Variants in RYR2 observed in about 807,000 individuals in gnomAD.
RYR2 encodes the protein ryanodine receptor 2, also known as cardiac muscle ryanodine receptor-calcium release channel.
Under a neutral mutation model 601.1 loss-of-function variants are expected in RYR2, and 227 were observed. That is an observed-to-expected ratio of 0.38 (90% CI 0.34 to 0.42). The LOEUF (loss-of-function observed/expected upper bound fraction) is 0.42. Ranked by LOEUF, RYR2 falls within the 10% of genes least tolerant of loss-of-function variation. RYR2 has a pLI of 1.00. For missense variants in RYR2, 4,646 were observed against 6,156.5 expected, an observed-to-expected ratio of 0.75 and a Z score of 8.21; for synonymous variants, 2,223 against 2,175.1, an observed-to-expected ratio of 1.02 and a Z score of -0.61.
In RYR2 at chr1:237,402,888, C is replaced by T. The variant is rs940575756; in HGVS notation, c.774-14161C>T. On this transcript the variant is annotated intron_variant, in intron 10 of 104. Coordinates refer to ENST00000366574, the MANE Select transcript of RYR2 (RefSeq NM_001035.3). The stretch of plus-strand genomic sequence containing the variant: ...CCTCGATGTCCTGGCCTCAAACCAT[C>T]CCCCTGCTTCAGCCTCCTGTCTCCA... Among the ~76,000 whole-genome samples the T allele has an allele frequency of 1.1e-3, 15 of 14,208 alleles. No homozygotes were observed. In the East Asian group the frequency reaches 0.17, roughly 158 times the overall value. The allele number at this position is 14,208 out of a possible 152,430, so 9.3% of individuals were successfully genotyped here. A position where few individuals can be genotyped will look rare whatever the true frequency, so the allele number is the denominator to read the frequency against.
intron 33 of RYR2, 145 bp from the exon 34 acceptor site, chr1:237,595,353 C>T: frequency 1.2e-6 from 1 of 863,950 alleles, no homozygotes; most frequent in Non-Finnish European, 1.7e-6. Flanking sequence ...TGCTCAGAAT[C>T]ACAGAATCGG....
Position 237,627,930 on chromosome 1 carries a change from G to T in RYR2, c.6290G>T (p.Gly2097Val). 1 of 1,613,342 alleles carries T rather than the reference G, an allele frequency of 6.2e-7. No individual in the cohort carries two copies. The highest frequency in any genetic ancestry group is 8.5e-7 in the Non-Finnish European group (1 of 1,179,710). The change falls in exon 41 of 105, where the codon GGT becomes GTT. Residue 2097 changes from glycine (G) to valine (V), a missense_variant. Coordinates refer to ENST00000366574, the MANE Select transcript of RYR2 (RefSeq NM_001035.3). ...CATCGGCAGTATGACGGCATTGGGG[G>T]TCTTGTTCGGGCCCTGCCAAAGACC... is the stretch of plus-strand genomic sequence containing the variant. ...LLHRQYDGIG[G>V]LVRALPKTYT...
At chr1:237,620,980 T>G (rs1679015349) in intron 38 of RYR2, among the ~76,000 whole-genome samples, 2 of 152,114 alleles carry the variant, frequency 1.3e-5, no homozygotes. Context: ...TTTTCAAGTG[T>G]TCATGAAACA....
rs138487423 is a variant in RYR2, at chr1:237,097,709, C to T, written c.48+55140C>T. Among the ~76,000 whole-genome samples the T allele has an allele frequency of 1.0e-3, 152 of 152,194 alleles. 1 individual carries two copies. Among genetic ancestry groups the T allele is most frequent in the African/African-American group, 3.5e-3 (145 of 41,520 alleles). ...GCTTAAGTAAAATACTCCATTGCAC[C>T]GTTTCTGGGGATTTATGTTTTTAAA... On this transcript the variant is annotated intron_variant, in intron 1 of 104. Coordinates refer to ENST00000366574, the MANE Select transcript of RYR2 (RefSeq NM_001035.3).
chr1:237,479,057 C>T (rs1432131013), intron 17 of RYR2, among the ~76,000 whole-genome samples: 4 of 152,176 alleles, frequency 2.6e-5, no homozygotes, highest in Admixed American at 6.5e-5. Flanking sequence ...TTTACTACCC[C>T]TCTCTTGAGT....
chr1:237,824,351 T>A (rs1265791821), intron 101 of RYR2, among the ~76,000 whole-genome samples: 1 of 152,194 alleles, frequency 6.6e-6, no homozygotes, highest in Non-Finnish European at 1.5e-5. Context: ...GCTTCATCCC[T>A]GGGATGCAAG....
chr1:237,527,717 A>T (rs1667733729), intron 24 of RYR2, among the ~76,000 whole-genome samples: 2 of 152,226 alleles, frequency 1.3e-5, no homozygotes, highest in Non-Finnish European at 2.9e-5. Context: ...AAAACATGTA[A>T]CTTTTTAAAA....
At chr1:237,336,022 T>C (rs1697212883) in intron 3 of RYR2, among the ~76,000 whole-genome samples, 1 of 152,184 alleles carries the variant, frequency 6.6e-6, no homozygotes, top group South Asian at 2.1e-4. Context: ...GTTCTATGTA[T>C]AGAAATTTAA....
intron 1 of RYR2, among the ~76,000 whole-genome samples, chr1:237,056,666 A>G (rs1662153635): frequency 1.5e-5 from 1 of 68,116 alleles, no homozygotes; most frequent in African/African-American, 5.2e-5. Context: ...AGGACTAGAG[A>G]CTGCATTGTG....
At chr1:237,708,773 AT>A (rs1277267452) in intron 68 of RYR2, 84 bp from the exon 69 acceptor site, 2 of 1,251,638 alleles carry the variant, frequency 1.6e-6, no homozygotes, top group African/African-American at 3.0e-5. Context: ...GGAGGCTTTA[AT>A]TATGTTACAA....
chr1:237,070,374 T>C (rs1408914204), intron 1 of RYR2, among the ~76,000 whole-genome samples: 1 of 152,092 alleles, frequency 6.6e-6, no homozygotes, highest in Non-Finnish European at 1.5e-5. Flanking sequence ...AACAGCTTAA[T>C]TGGACCAGTT....
intron 1 of RYR2, among the ~76,000 whole-genome samples, chr1:237,107,538 G>GAAAAAAAAAAAAAAAA (rs1218167557): frequency 1.1e-4 from 6 of 56,798 alleles, no homozygotes; most frequent in African/African-American, 1.8e-4. Context: ...AAAAAAAAAG[G>GAAAAAAAAAAAAAAAA]AAACATTGTA....
chr1:237,405,631 A>G (rs1418419795), intron 10 of RYR2, among the ~76,000 whole-genome samples: 2 of 152,128 alleles, frequency 1.3e-5, no homozygotes, highest in Non-Finnish European at 1.5e-5. Flanking sequence ...CCAGTCTACT[A>G]TGCTCAAAAC....
chr1:237,415,470 G>C (rs1257586667), intron 10 of RYR2, among the ~76,000 whole-genome samples: 2 of 152,148 alleles, frequency 1.3e-5, no homozygotes, highest in African/African-American at 4.8e-5. Context: ...CCCCTGTTGT[G>C]TTATAATGGG....
chr1:237,620,787 T>C (rs1035025603), intron 38 of RYR2, among the ~76,000 whole-genome samples: 2 of 151,834 alleles, frequency 1.3e-5, no homozygotes, highest in African/African-American at 2.4e-5. Context: ...CCAAAACTGA[T>C]AGAACTGAAA....
intron 24 of RYR2, among the ~76,000 whole-genome samples, chr1:237,518,033 A>G (rs1044571134): frequency 3.3e-5 from 5 of 152,136 alleles, no homozygotes; most frequent in African/African-American, 1.2e-4. Context: ...CATCCTGGAC[A>G]CATCCCTTCC....
At chr1:237,422,017 C>T (rs1367436722) in intron 11 of RYR2, among the ~76,000 whole-genome samples, 1 of 152,006 alleles carries the variant, frequency 6.6e-6, no homozygotes, top group East Asian at 1.9e-4. Context: ...GTGCTTTGAT[C>T]TTAAGCTTGT....
Position 237,783,998 on chromosome 1 carries a change from T to C in RYR2, c.12286T>C (p.Phe4096Leu). ...CCACGAACCTGCGAAGGACATCGGCTTCAACGTCGCCGTCCTTCTGACAAA... is the reference window on the plus strand; with the variant it reads ...CCACGAACCTGCGAAGGACATCGGCCTCAACGTCGCCGTCCTTCTGACAAA... ...RFHEPAKDIG[F>L]NVAVLLTNLS... Residue 4096 changes from phenylalanine (F) to leucine (L), a missense_variant, in exon 90 of 105, where the codon TTC (phenylalanine) becomes CTC (leucine). Phe to Leu is a conservative substitution (Grantham distance 22). Transcript: ENST00000366574. 1 of 1,613,880 alleles carries C rather than the reference T, an allele frequency of 6.2e-7. No individual in the cohort carries two copies.
chr1:237,145,684 G>T (rs1364993187), intron 1 of RYR2, among the ~76,000 whole-genome samples: 1 of 152,122 alleles, frequency 6.6e-6, no homozygotes, highest in African/African-American at 2.4e-5. Flanking sequence ...CCATAAACAT[G>T]AATGACCCAG....
Sources: gnomAD v4.1 joint callset for allele counts (sites outside exome capture counted in the v4.1 genomes callset) on GRCh38, gnomAD v4.1.1 for gene constraint, MANE v1.5 for transcripts, NCBI Gene and HGNC (gene_info 2026-07-23, HGNC 2026-07-21) for gene names.